The following MPHOSPH9 variants were observed in gnomAD, a reference collection of about 807,000 sequenced individuals.
MPHOSPH9 encodes M-phase phosphoprotein 9.
MPHOSPH9 carries 88 observed loss-of-function variants against 145.5 expected under a neutral mutation model. The ratio of observed to expected loss-of-function variants is 0.60; its 90% confidence interval spans 0.51 to 0.72. The LOEUF is 0.72. MPHOSPH9 is among the 30% of genes least tolerant of loss of function. The pLI is 0.00. For synonymous variants in MPHOSPH9, 435 were observed against 486.2 expected, an observed-to-expected ratio of 0.89 and a Z score of 1.39; for missense variants, 1,238 against 1,386.6, an observed-to-expected ratio of 0.89 and a Z score of 1.70.
chr12:123,212,211 G>A (rs2046757391), intron 7 of MPHOSPH9, among the ~76,000 whole-genome samples: 1 of 152,064 alleles, frequency 6.6e-6, no homozygotes, highest in Non-Finnish European at 1.5e-5. Flanking sequence ...CACTATTTTT[G>A]AATCAGGTAA....
At chr12:123,239,778 T>C (rs73231928) in intron 1 of MPHOSPH9, among the ~76,000 whole-genome samples, 79,167 of 151,456 alleles carry the variant, frequency 0.52, 24,849 homozygotes, top group East Asian at 0.7. Context: ...TATTTTTTTT[T>C]CCCCCAGATG....
intron 11 of MPHOSPH9, 36 bp downstream of exon 11, chr12:123,202,128 G>A: frequency 6.4e-7 from 1 of 1,556,880 alleles, no homozygotes; most frequent in Non-Finnish European, 8.7e-7. Flanking sequence ...TACATCCAAG[G>A]TGGAGAAAAC....
chr12:123,184,522 G>C (rs572043964), intron 13 of MPHOSPH9, among the ~76,000 whole-genome samples: 8 of 150,402 alleles, frequency 5.3e-5, no homozygotes, highest in South Asian at 2.1e-4. Flanking sequence ...TCTTGAGATG[G>C]AGTCTTGCTC....
chr12:123,184,926 C>T (rs1593126619), intron 13 of MPHOSPH9, among the ~76,000 whole-genome samples: 2 of 152,266 alleles, frequency 1.3e-5, no homozygotes, highest in East Asian at 3.9e-4. Flanking sequence ...GCTTCTGCCT[C>T]CCGAGTAGCT....
At chr12:123,243,531 A>G (rs2047981015) in intron 1 of MPHOSPH9, among the ~76,000 whole-genome samples, 1 of 18,194 alleles carries the variant, frequency 5.5e-5, no homozygotes, top group African/African-American at 5.7e-5. Flanking sequence ...CTCCGTCTCA[A>G]AAAAAAAAAA....
intron 16 of MPHOSPH9, among the ~76,000 whole-genome samples, chr12:123,168,621 T>C (rs1036761877): frequency 2.5e-4 from 38 of 151,736 alleles, no homozygotes; most frequent in African/African-American, 8.0e-4. Context: ...GGATTACAGG[T>C]GTGCGCCAAC....
chr12:123,211,789 G>A (rs1387633167), intron 7 of MPHOSPH9, among the ~76,000 whole-genome samples: 3 of 140,576 alleles, frequency 2.1e-5, no homozygotes, highest in Non-Finnish European at 4.5e-5. Context: ...GACCTCCCGA[G>A]CTCAAGCCAT....
intron 13 of MPHOSPH9, among the ~76,000 whole-genome samples, chr12:123,193,108 T>TATATACAC (rs1326040192): frequency 8.4e-5 from 8 of 94,896 alleles, no homozygotes; most frequent in African/African-American, 3.4e-4. Context: ...TATATATATA[T>TATATACAC]ACACACACAC....
Position 123,194,613 on chromosome 12 carries a change from A to G in MPHOSPH9, c.2026-12T>C, listed in dbSNP as rs758749692. 2 of 1,543,190 alleles carry G rather than the reference A, an allele frequency of 1.3e-6. No homozygotes were observed. Among genetic ancestry groups the G allele is most frequent in the Non-Finnish European group, 1.7e-6 (2 of 1,157,248 alleles). On this transcript the variant is annotated splice_polypyrimidine_tract_variant and intron_variant, in intron 12 of 23. Transcript: ENST00000606320. The stretch of plus-strand genomic sequence containing the variant: ...TCTCTCAAATCATTCTATAAAACAA[A>G]GACAAACATAATTTTTTTTTTTTTT...
Position 123,155,812 on chromosome 12 carries a change from TC to T in MPHOSPH9, c.*994del. ...GCCGAGGGGAAGGCACCAGGCTCCA[TC>T]CGGACACACTCCCTGTCCATTAACA... On this transcript the variant is annotated 3_prime_UTR_variant, in exon 24 of 24. Transcript: ENST00000606320. 1 of 152,316 alleles carries T rather than the reference TC, an allele frequency of 6.6e-6. No homozygotes were observed. The highest frequency in any genetic ancestry group is 1.9e-4 in the East Asian group (1 of 5,190). The allele number at this position is 152,316 out of a possible 1,614,324, so 9.4% of individuals were successfully genotyped here.
chr12:123,171,191 C>T (rs949088092), intron 16 of MPHOSPH9, among the ~76,000 whole-genome samples: 2 of 152,332 alleles, frequency 1.3e-5, no homozygotes, highest in Admixed American at 6.5e-5. Flanking sequence ...CAGTGGCTCA[C>T]GCCTGTAATC....
chr12:123,197,540 C>G (rs953491625), intron 12 of MPHOSPH9, among the ~76,000 whole-genome samples: 1 of 151,796 alleles, frequency 6.6e-6, no homozygotes, highest in African/African-American at 2.4e-5. Flanking sequence ...TCCCGGCACT[C>G]TGGGAGGCCG....
rs1243663943 is a variant in MPHOSPH9 at position 123,163,012 on chromosome 12, AC to A, written c.3029+1del. ...TTTATTCTACAATTTTAGAGAACTT[AC>A]CGAATTGGACTGCTCTCATTTTTGC... On this transcript the variant is annotated splice_donor_variant, in intron 20 of 23. Coordinates refer to ENST00000606320, the MANE Select transcript of MPHOSPH9 (RefSeq NM_022782.4). LOFTEE classifies it high-confidence loss of function. 1 of 1,538,576 alleles carries A rather than the reference AC, an allele frequency of 6.5e-7. No individual in the cohort carries two copies. Among genetic ancestry groups the A allele is most frequent in the East Asian group, 2.4e-5 (1 of 40,916 alleles).
intron 5 of MPHOSPH9, 72 bp from the exon 6 acceptor site, chr12:123,218,571 G>A: frequency 6.8e-7 from 1 of 1,473,378 alleles, no homozygotes; most frequent in Non-Finnish European, 9.3e-7. Context: ...TGTCGCCCAG[G>A]CTGGAGTACG....
At position 123,203,033 on chromosome 12, in the gene MPHOSPH9, C is replaced by T; in HGVS notation, c.1372G>A (p.Gly458Arg). ...LHMKPKQQIS[G>R]IQPHGLPNAL... ...TTCGGAAGGCCGTGAGGTTGAATCCCTGAAATCTGCTGCTTTGGCTTCATG... is the reference window on the plus strand; with the variant it reads ...TTCGGAAGGCCGTGAGGTTGAATCCTTGAAATCTGCTGCTTTGGCTTCATG... The change falls in exon 10 of 24, where the codon GGG (glycine) becomes AGG (arginine). Residue 458 changes from glycine (G) to arginine (R), a missense_variant. Gly to Arg is a moderately radical substitution (Grantham distance 125, BLOSUM62 -2). This residue lies in a region of MPHOSPH9 where 837 missense variants were observed against 897.5 expected (regional missense o/e 0.93). Transcript: ENST00000606320. The T allele has an allele frequency of 1.2e-6, 2 of 1,614,136 alleles. No homozygotes were observed. The highest frequency in any genetic ancestry group is 2.7e-5 in the African/African-American group (2 of 75,028).
intron 13 of MPHOSPH9, among the ~76,000 whole-genome samples, chr12:123,181,723 C>T (rs2045157093): frequency 6.6e-6 from 1 of 151,596 alleles, no homozygotes; most frequent in African/African-American, 2.4e-5. Flanking sequence ...AAAGAGAGAC[C>T]CCGTCTTAAA....
chr12:123,187,247 C>T (rs1023414907), intron 13 of MPHOSPH9, among the ~76,000 whole-genome samples: 4 of 151,472 alleles, frequency 2.6e-5, no homozygotes, highest in South Asian at 2.1e-4. Context: ...GCAATAAAAG[C>T]GAAACTCTGT....
intron 19 of MPHOSPH9, 168 bp downstream of exon 19, chr12:123,163,778 TCAGA>T: frequency 1.6e-6 from 1 of 620,056 alleles, no homozygotes; most frequent in Non-Finnish European, 2.6e-6. Context: ...ATCTATGTGA[TCAGA>T]CAATTTTATT....
chr12:123,198,337 A>G lies in MPHOSPH9; in HGVS notation c.1938-3T>C, dbSNP rs1318193152. 6.2e-7 allele frequency: 1 copy of G among 1,606,304 alleles called. No homozygotes were observed. Among genetic ancestry groups the G allele is most frequent in the Non-Finnish European group, 8.5e-7 (1 of 1,175,580 alleles). On this transcript the variant is annotated splice_region_variant and splice_polypyrimidine_tract_variant and intron_variant, in intron 11 of 23. Transcript: ENST00000606320. ...AAGCACTATCTAATTGGCCACATCT[A>G]AAAACCATAAATTTAGCTTCAATTA... is the stretch of plus-strand genomic sequence containing the variant.
Sources: allele counts gnomAD v4.1 joint callset (sites outside exome capture counted in the v4.1 genomes callset), GRCh38; gene constraint gnomAD v4.1.1; regional missense constraint gnomAD v4.1.1; transcripts MANE v1.5; gene names NCBI Gene and HGNC (gene_info 2026-07-23, HGNC 2026-07-21).